CFAP97D2: variants seen among roughly 807,000 people sequenced by gnomAD.
CFAP97D2 encodes CFAP97 domain containing 2, also known as uncharacterized protein CFAP97D2.
chr13:114,190,958 C>G (rs775903152), intron 1 of CFAP97D2, among the ~76,000 whole-genome samples: 5 of 152,150 alleles, frequency 3.3e-5, no homozygotes, highest in Non-Finnish European at 7.4e-5. Context: ...GACACAGCAA[C>G]AAAGGCAATA....
In CFAP97D2 at chr13:114,218,862, A is replaced by G. The variant is rs562595273; in HGVS notation, c.481-3636A>G. Among the ~76,000 whole-genome samples the G allele has an allele frequency of 2.6e-4, 40 of 152,362 alleles. No individual in the cohort carries two copies. The South Asian group carries it at 8.1e-3, about 31-fold the overall frequency. On this transcript the variant is annotated intron_variant, in intron 4 of 4. Coordinates refer to ENST00000646158, the Ensembl canonical transcript of CFAP97D2. ...AAATTGGATCCCTTCCTTACACCTT[A>G]TACAAAAATTAATTCAAGATGGATT...
At chr13:114,182,656 G>A (rs538455432) in intron 1 of CFAP97D2, among the ~76,000 whole-genome samples, 7 of 152,286 alleles carry the variant, frequency 4.6e-5, no homozygotes, top group Non-Finnish European at 7.3e-5. Flanking sequence ...AGAGGATGGC[G>A]ATGACTTTTA....
At chr13:114,181,597 C>A (rs1268086739) in intron 1 of CFAP97D2, among the ~76,000 whole-genome samples, 8 of 152,188 alleles carry the variant, frequency 5.3e-5, no homozygotes, top group African/African-American at 1.9e-4. Flanking sequence ...AGTTCTCCAA[C>A]TGGCACTAAA....
At chr13:114,184,483 A>C (rs2080848219) in intron 1 of CFAP97D2, among the ~76,000 whole-genome samples, 1 of 152,214 alleles carries the variant, frequency 6.6e-6, no homozygotes, top group African/African-American at 2.4e-5. Context: ...AACATCCTGA[A>C]AGAAGCCAGA....
rs924476232 is a variant in CFAP97D2 at position 114,185,792 on chromosome 13, G to A, written c.90+6372G>A. 1.3e-5 allele frequency among the ~76,000 whole-genome samples: 2 copies of A among 152,248 alleles called. No individual in the cohort carries two copies. Among genetic ancestry groups the A allele is most frequent in the East Asian group, 1.9e-4 (1 of 5,194 alleles). ...CAGATTTGGGCACTGACAAGCACAGGAGGGAGGCTGAGGGGGATGCAGAGG... is the reference window on the plus strand; with the variant it reads ...CAGATTTGGGCACTGACAAGCACAGAAGGGAGGCTGAGGGGGATGCAGAGG... On this transcript the variant is annotated intron_variant, in intron 1 of 4. Coordinates refer to ENST00000646158, the Ensembl canonical transcript of CFAP97D2. This position sits in a 1 kb window ranked among gnomAD's most constrained non-coding sequence, Gnocchi z 5.2.
Position 114,185,638 on chromosome 13 carries a change from C to T in CFAP97D2, c.90+6218C>T, listed in dbSNP as rs748155472. ...CTGCTCCCACTGCCTGGCTTCTCCC[C>T]ACTGTTGGCACCAGCTCCGATCTTG... On this transcript the variant is annotated intron_variant, in intron 1 of 4. Coordinates refer to ENST00000646158, the Ensembl canonical transcript of CFAP97D2. The surrounding 1 kb of genome is among the most constrained non-coding windows in gnomAD (Gnocchi z 5.2). 6.6e-6 allele frequency among the ~76,000 whole-genome samples: 1 copy of T among 152,248 alleles called. No individual in the cohort carries two copies. The highest frequency in any genetic ancestry group is 1.5e-5 in the Non-Finnish European group (1 of 68,038).
rs549295320 is a variant in CFAP97D2 at position 114,190,438 on chromosome 13, C to T, written c.91-5958C>T. On this transcript the variant is annotated intron_variant, in intron 1 of 4. Coordinates refer to ENST00000646158, the Ensembl canonical transcript of CFAP97D2. Reference sequence around the variant, plus strand: ...TAAAAAGACATGTGGAAGGAATAAACAATTATAGCAAGGATGAAGGATATA... The same window carrying T: ...TAAAAAGACATGTGGAAGGAATAAATAATTATAGCAAGGATGAAGGATATA... Among the ~76,000 whole-genome samples the T allele has an allele frequency of 7.7e-4, 117 of 152,176 alleles. 1 individual carries two copies. The Middle Eastern group carries it at 0.024, about 31-fold the overall frequency.
At chr13:114,182,788 A>G (rs922515405) in intron 1 of CFAP97D2, among the ~76,000 whole-genome samples, 5 of 152,260 alleles carry the variant, frequency 3.3e-5, no homozygotes, top group African/African-American at 9.6e-5. Flanking sequence ...CAAAGTGGTT[A>G]GGTCAAAGTG....
At chr13:114,182,299 A>G (rs1387858105) in intron 1 of CFAP97D2, among the ~76,000 whole-genome samples, 1 of 152,150 alleles carries the variant, frequency 6.6e-6, no homozygotes, top group Non-Finnish European at 1.5e-5. Context: ...ACAAGGCAGC[A>G]TTACTGCAAA....
chr13:114,191,346 G>C (rs117329652), intron 1 of CFAP97D2, among the ~76,000 whole-genome samples: 1,766 of 152,114 alleles, frequency 0.012, 97 homozygotes, highest in Admixed American at 0.081. Flanking sequence ...CTATAGACTG[G>C]GAGAAAATAT....
At chr13:114,202,305 G>A (rs1010074927) in intron 3 of CFAP97D2, among the ~76,000 whole-genome samples, 1 of 152,182 alleles carries the variant, frequency 6.6e-6, no homozygotes, top group Non-Finnish European at 1.5e-5. Flanking sequence ...GCCCAAGACT[G>A]AAAACTCAAT....
In CFAP97D2 at chr13:114,221,962, T is replaced by C. The variant is rs2081024332; in HGVS notation, c.481-536T>C. Reference sequence around the variant, plus strand: ...GACCAAGAGGTGTAAACAACCCAAATGTCTATCAACTGATGAACAGATAAA... The same window carrying C: ...GACCAAGAGGTGTAAACAACCCAAACGTCTATCAACTGATGAACAGATAAA... On this transcript the variant is annotated intron_variant, in intron 4 of 4. Transcript: ENST00000646158. Among the ~76,000 whole-genome samples, 3 of 152,192 alleles carry C rather than the reference T, an allele frequency of 2.0e-5. No individual in the cohort carries two copies. The South Asian group carries it at 6.2e-4, about 32-fold the overall frequency.
At chr13:114,202,124 C>T (rs1314305710) in intron 3 of CFAP97D2, among the ~76,000 whole-genome samples, 2 of 152,226 alleles carry the variant, frequency 1.3e-5, no homozygotes, top group African/African-American at 4.8e-5. Flanking sequence ...TGCGTTTTGT[C>T]TGCCTTTCAG....
chr13:114,211,511 G>T lies in CFAP97D2; in HGVS notation c.291-401G>T, dbSNP rs931191441. Among the ~76,000 whole-genome samples, 4 of 151,924 alleles carry T rather than the reference G, an allele frequency of 2.6e-5. No individual in the cohort carries two copies. Among genetic ancestry groups the T allele is most frequent in the Non-Finnish European group, 4.4e-5 (3 of 67,988 alleles). On this transcript the variant is annotated intron_variant, in intron 3 of 4. Transcript: ENST00000646158. This position sits in a 1 kb window ranked among gnomAD's most constrained non-coding sequence, Gnocchi z 4.2. ...GGGCGCCTGGGTGCTTGCCCTCCCC[G>T]CCTGGGACCCTGCTCTCCGCCATGG...
chr13:114,188,130 TTTAA>T (rs1277823894), intron 1 of CFAP97D2, among the ~76,000 whole-genome samples: 2 of 149,692 alleles, frequency 1.3e-5, no homozygotes, highest in South Asian at 2.1e-4. Flanking sequence ...AAAAAAAAAG[TTTAA>T]TTAACCAGGC....
intron 4 of CFAP97D2, among the ~76,000 whole-genome samples, chr13:114,216,895 A>G (rs1263377298): frequency 6.6e-6 from 1 of 152,220 alleles, no homozygotes; most frequent in Non-Finnish European, 1.5e-5. Flanking sequence ...GAACTAGTTT[A>G]CAGTCCCACC....
intron 3 of CFAP97D2, among the ~76,000 whole-genome samples, chr13:114,202,638 CT>C (rs1261370708): frequency 2.0e-5 from 3 of 152,204 alleles, no homozygotes; most frequent in African/African-American, 7.2e-5. Flanking sequence ...GGCCTTCTTC[CT>C]GGAAGGGGCA....
intron 4 of CFAP97D2, among the ~76,000 whole-genome samples, chr13:114,216,387 C>G (rs903067902): frequency 6.6e-6 from 1 of 152,118 alleles, no homozygotes; most frequent in African/African-American, 2.4e-5. Flanking sequence ...GTGTGCCTCA[C>G]CCACTAACTT....
intron 4 of CFAP97D2, among the ~76,000 whole-genome samples, chr13:114,217,579 G>T (rs1050903988): frequency 2.0e-5 from 3 of 152,152 alleles, no homozygotes; most frequent in African/African-American, 4.8e-5. Context: ...CAAAGAAAGA[G>T]AATTTTAGAC....
Sources: gnomAD v4.1 joint callset for allele counts (sites outside exome capture counted in the v4.1 genomes callset) on GRCh38, gnomAD v4.1.1 for gene constraint, Gnocchi (gnomAD v3.1) non-coding constraint, MANE v1.5 for transcripts, NCBI Gene and HGNC (gene_info 2026-07-23, HGNC 2026-07-21) for gene names.